The following ZCCHC18 variants were observed in gnomAD, a reference collection of about 807,000 sequenced individuals.
ZCCHC18 encodes zinc finger CCHC domain-containing protein 18.
For missense variants in ZCCHC18, 292 were observed against 305.1 expected, an observed-to-expected ratio of 0.96 and a Z score of 0.32; for synonymous variants, 112 against 115.7, an observed-to-expected ratio of 0.97 and a Z score of 0.21.
chrX:104,115,488 G>A lies in ZCCHC18; in HGVS notation c.*165G>A. 4.3e-6 allele frequency: 2 copies of A among 468,460 alleles called. No homozygotes were observed. The highest frequency in any genetic ancestry group is 7.3e-6 in the Non-Finnish European group (2 of 275,106). The allele number at this position is 468,460 out of a possible 1,213,427, so 38.6% of individuals were successfully genotyped here. ...ATACCAGCACAGTGGATGGGGAATGGTGTGACCTCTGTCCCTGCTCTCTTC... is the reference window on the plus strand; with the variant it reads ...ATACCAGCACAGTGGATGGGGAATGATGTGACCTCTGTCCCTGCTCTCTTC... On this transcript the variant is annotated 3_prime_UTR_variant, in exon 3 of 3. Coordinates refer to ENST00000650639, the MANE Select transcript of ZCCHC18 (RefSeq NM_001143978.3).
In ZCCHC18 at chrX:104,114,560, T is replaced by C; in HGVS notation, c.449T>C (p.Ile150Thr). 8.3e-7 allele frequency: 1 copy of C among 1,211,691 alleles called. No homozygotes were observed. Among genetic ancestry groups the C allele is most frequent in the Non-Finnish European group, 1.1e-6 (1 of 895,515 alleles). ...AQGEKASLYV[I>T]RLEVQLQNAI... ...GGGGAGAAAGCCTCCCTTTATGTGA[T>C]CCGTTTAGAGGTGCAGCTCCAGAAT... Residue 150 changes from isoleucine (I) to threonine (T), a missense_variant, in exon 3 of 3, where the codon ATC becomes ACC. By Grantham distance (89) the Ile-to-Thr change is moderately conservative (BLOSUM62 -1). Transcript: ENST00000650639.
In ZCCHC18 at chrX:104,114,075, C is replaced by A; in HGVS notation, c.-37C>A. On this transcript the variant is annotated 5_prime_UTR_variant, in exon 3 of 3. Coordinates refer to ENST00000650639, the MANE Select transcript of ZCCHC18 (RefSeq NM_001143978.3). ...ATAAGGCTTTTCCAAAAAGCGCGAG[C>A]ATCTTGTTGTATTCAGATACCCTAT... The A allele has an allele frequency of 8.3e-7, 1 of 1,210,653 alleles. No individual in the cohort carries two copies. Among genetic ancestry groups the A allele is most frequent in the Non-Finnish European group, 1.1e-6 (1 of 895,016 alleles).
Position 104,115,431 on chromosome X carries a change from A to C in ZCCHC18, c.*108A>C, listed in dbSNP as rs1055280147. ...AACTGCATGAATTAATCCACAAAGC[A>C]GTTTTCCTTTGGGAAGGAGAAGAGG... is the stretch of plus-strand genomic sequence containing the variant. On this transcript the variant is annotated 3_prime_UTR_variant, in exon 3 of 3. Transcript: ENST00000650639. The C allele has an allele frequency of 9.2e-5, 75 of 813,179 alleles. No individual in the cohort carries two copies. Among genetic ancestry groups the C allele is most frequent in the Non-Finnish European group, 1.1e-4 (67 of 583,739 alleles). The allele number at this position is 813,179 out of a possible 1,213,427, so 67.0% of individuals were successfully genotyped here.
chrX:104,114,078 C>G lies in ZCCHC18; in HGVS notation c.-34C>G, dbSNP rs782619703. The G allele has an allele frequency of 8.3e-7, 1 of 1,209,450 alleles. No homozygotes were observed. Among genetic ancestry groups the G allele is most frequent in the East Asian group, 3.0e-5 (1 of 33,747 alleles). On this transcript the variant is annotated 5_prime_UTR_variant, in exon 3 of 3. It adds an upstream start codon to the 5' untranslated region. Coordinates refer to ENST00000650639, the MANE Select transcript of ZCCHC18 (RefSeq NM_001143978.3). ...AGGCTTTTCCAAAAAGCGCGAGCAT[C>G]TTGTTGTATTCAGATACCCTATCGT...
chrX:104,112,666 C>G lies in ZCCHC18; in HGVS notation c.-1066C>G, dbSNP rs1177899746. On this transcript the variant is annotated 5_prime_UTR_variant, in exon 1 of 3. Transcript: ENST00000650639. ...CTCGCTGGGCGGTCGTGCGCACTCG[C>G]TAGGTCGGGCAGCCCCGGGTCGCTT... 8.8e-6 allele frequency: 1 copy of G among 113,552 alleles called. No individual in the cohort carries two copies. The highest frequency in any genetic ancestry group is 1.9e-5 in the Non-Finnish European group (1 of 53,427). The allele number at this position is 113,552 out of a possible 1,213,427, so 9.4% of individuals were successfully genotyped here. A position where few individuals can be genotyped will look rare whatever the true frequency, so the allele number is the denominator to read the frequency against.
At position 104,114,470 on chromosome X, in the gene ZCCHC18, T is replaced by C. The variant is rs782233326; in HGVS notation, c.359T>C (p.Val120Ala). The C allele has an allele frequency of 4.1e-6, 5 of 1,209,290 alleles. No individual in the cohort carries two copies. In the Admixed American group the frequency reaches 1.1e-4, roughly 26 times the overall value. Residue 120 changes from valine (V) to alanine (A), a missense_variant, in exon 3 of 3, where the codon GTG becomes GCG. By Grantham distance (64) the Val-to-Ala change is moderately conservative. Coordinates refer to ENST00000650639, the MANE Select transcript of ZCCHC18 (RefSeq NM_001143978.3). Reference sequence around the variant, plus strand: ...GATTTCTTGCGGGCAATGAAATTGGTGTTTGGGGAGTCTGAAAGCAGTGTG... The same window carrying C: ...GATTTCTTGCGGGCAATGAAATTGGCGTTTGGGGAGTCTGAAAGCAGTGTG... ...VADFLRAMKL[V>A]FGESESSVTA...
In ZCCHC18 at chrX:104,115,230, G is replaced by A. The variant is rs1252785740; in HGVS notation, c.1119G>A (p.Glu373=). The change falls in exon 3 of 3, where the codon GAG becomes GAA. Residue 373 remains glutamate (E), a synonymous_variant. Transcript: ENST00000650639. Reference sequence around the variant, plus strand: ...AGAGCAACAAGGCCCAGGTTTTTGAGAATCTGATCATCACCCTGCAGGAGC... The same window carrying A: ...AGAGCAACAAGGCCCAGGTTTTTGAAAATCTGATCATCACCCTGCAGGAGC... ...DNESNKAQVF[E]NLIITLQELT... The A allele has an allele frequency of 8.3e-7, 1 of 1,203,771 alleles. No homozygotes were observed. Among genetic ancestry groups the A allele is most frequent in the African/African-American group, 1.8e-5 (1 of 56,922 alleles).
chrX:104,113,804 T>C lies in ZCCHC18; in HGVS notation c.-308T>C, dbSNP rs1365097450. On this transcript the variant is annotated 5_prime_UTR_variant, in exon 3 of 3. Coordinates refer to ENST00000650639, the MANE Select transcript of ZCCHC18 (RefSeq NM_001143978.3). ...GGGGATGGATGTGGCTCTGAAAAACTACCTACTAGCCCAGGGACACCTGCT... is the reference window on the plus strand; with the variant it reads ...GGGGATGGATGTGGCTCTGAAAAACCACCTACTAGCCCAGGGACACCTGCT... The C allele has an allele frequency of 7.8e-6, 2 of 257,449 alleles. No homozygotes were observed. Among genetic ancestry groups the C allele is most frequent in the Non-Finnish European group, 1.4e-5 (2 of 146,881 alleles). 21.2% of individuals were successfully genotyped at this position (257,449 alleles called of 1,213,427 possible). A position where few individuals can be genotyped will look rare whatever the true frequency, so the allele number is the denominator to read the frequency against.
Position 104,115,577 on chromosome X carries a change from A to G in ZCCHC18, c.*254A>G. 1 of 297,025 alleles carries G rather than the reference A, an allele frequency of 3.4e-6. No individual in the cohort carries two copies. Among genetic ancestry groups the G allele is most frequent in the Non-Finnish European group, 6.2e-6 (1 of 162,565 alleles). The allele number at this position is 297,025 out of a possible 1,213,427, so 24.5% of individuals were successfully genotyped here. ...CTTTGATGACTTTATACTTTTTATGAAAGGAGCATCTTTTCATTAAACCTT... is the reference window on the plus strand; with the variant it reads ...CTTTGATGACTTTATACTTTTTATGGAAGGAGCATCTTTTCATTAAACCTT... On this transcript the variant is annotated 3_prime_UTR_variant, in exon 3 of 3. Transcript: ENST00000650639.
rs782073514 is a variant in ZCCHC18, at chrX:104,114,676, C to A, written c.565C>A (p.Arg189Ser). The A allele has an allele frequency of 8.3e-7, 1 of 1,210,255 alleles. No homozygotes were observed. Among genetic ancestry groups the A allele is most frequent in the African/African-American group, 1.7e-5 (1 of 57,185 alleles). ...LLGAELNRDL[R>S]FRLKHLLRMY... is the part of the protein sequence containing the mutation. ...AGGCGCTGAGCTGAATAGGGACCTGCGCTTCAGGCTTAAGCATCTTCTCAG... is the reference window on the plus strand; with the variant it reads ...AGGCGCTGAGCTGAATAGGGACCTGAGCTTCAGGCTTAAGCATCTTCTCAG... Residue 189 changes from arginine (R) to serine (S), a missense_variant, in exon 3 of 3, where the codon CGC (arginine) becomes AGC (serine). By Grantham distance (110) the Arg-to-Ser change is moderately radical. Coordinates refer to ENST00000650639, the MANE Select transcript of ZCCHC18 (RefSeq NM_001143978.3).
At position 104,114,598 on chromosome X, in the gene ZCCHC18, G is replaced by A. The variant is rs374482527; in HGVS notation, c.487G>A (p.Gly163Ser). 55 of 1,210,255 alleles carry A rather than the reference G, an allele frequency of 4.5e-5. No homozygotes were observed. In the African/African-American group the frequency reaches 8.6e-4, roughly 19 times the overall value. ...GCAGCTCCAGAATGCTATTCAGGCA[G>A]GCATCCTAGCTGAGAAAGATGCAAA... ...EVQLQNAIQA[G>S]ILAEKDANQT... The change falls in exon 3 of 3, where the codon GGC becomes AGC. Residue 163 changes from glycine to serine, a missense_variant. Coordinates refer to ENST00000650639, the MANE Select transcript of ZCCHC18 (RefSeq NM_001143978.3).
At position 104,113,918 on chromosome X, in the gene ZCCHC18, A is replaced by G. The variant is rs1346645815; in HGVS notation, c.-194A>G. On this transcript the variant is annotated 5_prime_UTR_variant, in exon 3 of 3. Transcript: ENST00000650639. ...AAATGCACTGCAAGGCTATTCAGGAAGATAGAGAATGCTACTGCAGACTGC... is the reference window on the plus strand; with the variant it reads ...AAATGCACTGCAAGGCTATTCAGGAGGATAGAGAATGCTACTGCAGACTGC... 6.7e-6 allele frequency: 4 copies of G among 593,807 alleles called. No individual in the cohort carries two copies. The Admixed American group carries it at 1.2e-4, about 17-fold the overall frequency. 48.9% of individuals were successfully genotyped at this position (593,807 alleles called of 1,213,427 possible).
Position 104,114,585 on chromosome X carries a change from T to C in ZCCHC18, c.474T>C (p.Asn158=), listed in dbSNP as rs1368638129. 6.6e-6 allele frequency: 8 copies of C among 1,210,175 alleles called. No homozygotes were observed. The highest frequency in any genetic ancestry group is 8.9e-6 in the Non-Finnish European group (8 of 895,321). Residue 158 remains asparagine (N), a synonymous_variant, in exon 3 of 3, where the codon AAT becomes AAC. Transcript: ENST00000650639. The part of the protein sequence containing the change: ...YVIRLEVQLQ[N]AIQAGILAEK... Reference sequence around the variant, plus strand: ...TCCGTTTAGAGGTGCAGCTCCAGAATGCTATTCAGGCAGGCATCCTAGCTG... The same window carrying C: ...TCCGTTTAGAGGTGCAGCTCCAGAACGCTATTCAGGCAGGCATCCTAGCTG...
In ZCCHC18 at chrX:104,114,889, G is replaced by A; in HGVS notation, c.778G>A (p.Asp260Asn). Reference sequence around the variant, plus strand: ...CCAGCCAATAGCAATCAGCAGTGCTGACTGTAACTGCAACGTGATAGAAAT... The same window carrying A: ...CCAGCCAATAGCAATCAGCAGTGCTAACTGTAACTGCAACGTGATAGAAAT... ...GAQPIAISSA[D>N]CNCNVIEIDD... Residue 260 changes from aspartate (D) to asparagine (N), a missense_variant, in exon 3 of 3, where the codon GAC (aspartate) becomes AAC (asparagine). Asp to Asn is a conservative substitution (Grantham distance 23). Transcript: ENST00000650639. 1 of 1,204,567 alleles carries A rather than the reference G, an allele frequency of 8.3e-7. No individual in the cohort carries two copies.
In ZCCHC18 at chrX:104,113,880, C is replaced by T; in HGVS notation, c.-232C>T. Reference sequence around the variant, plus strand: ...TCTCCTGCAGGGTATTGTTAAGGCACTGGGCAGATATAAAATGCACTGCAA... The same window carrying T: ...TCTCCTGCAGGGTATTGTTAAGGCATTGGGCAGATATAAAATGCACTGCAA... On this transcript the variant is annotated 5_prime_UTR_variant, in exon 3 of 3. Coordinates refer to ENST00000650639, the MANE Select transcript of ZCCHC18 (RefSeq NM_001143978.3). 1 of 445,107 alleles carries T rather than the reference C, an allele frequency of 2.2e-6. No individual in the cohort carries two copies. 36.7% of individuals were successfully genotyped at this position (445,107 alleles called of 1,213,427 possible).
In ZCCHC18 at chrX:104,114,370, A is replaced by G. The variant is rs781931660; in HGVS notation, c.259A>G (p.Met87Val). The change falls in exon 3 of 3, where the codon ATG becomes GTG. Residue 87 changes from methionine to valine, a missense_variant. Met to Val is a conservative substitution (Grantham distance 21). Coordinates refer to ENST00000650639, the MANE Select transcript of ZCCHC18 (RefSeq NM_001143978.3). ...TGAGGAGGAAAAACTCAAGCGCTTGATGAAAACACTTAGGGGCCCTGCCCG... is the reference window on the plus strand; with the variant it reads ...TGAGGAGGAAAAACTCAAGCGCTTGGTGAAAACACTTAGGGGCCCTGCCCG... ...MSEEEKLKRLMKTLRGPAREV... is the reference protein window; with the variant it reads ...MSEEEKLKRLVKTLRGPAREV... 332 of 1,210,014 alleles carry G rather than the reference A, an allele frequency of 2.7e-4. No homozygotes were observed. The highest frequency in any genetic ancestry group is 3.5e-4 in the Non-Finnish European group (314 of 895,191).
rs2075370993 is a variant in ZCCHC18, at chrX:104,115,091, C to A, written c.980C>A (p.Ser327Tyr). The A allele has an allele frequency of 8.3e-7, 1 of 1,200,364 alleles. No homozygotes were observed. Among genetic ancestry groups the A allele is most frequent in the Non-Finnish European group, 1.1e-6 (1 of 889,430 alleles). Residue 327 changes from serine (S) to tyrosine (Y), a missense_variant, in exon 3 of 3, where the codon TCT becomes TAT. Physicochemically the swap from Ser to Tyr is moderately radical, Grantham distance 144. Coordinates refer to ENST00000650639, the MANE Select transcript of ZCCHC18 (RefSeq NM_001143978.3). ...CAGTCTCTTTCTACCAGTGGTGGTT[C>A]TGGGTATAAGAATGATGGTCCTGGG... Reference protein sequence around the residue: ...GAQSLSTSGGSGYKNDGPGNI... With the variant: ...GAQSLSTSGGYGYKNDGPGNI...
Position 104,114,925 on chromosome X carries a change from C to A in ZCCHC18, c.814C>A (p.Leu272Ile), listed in dbSNP as rs1556360800. 8.4e-7 allele frequency: 1 copy of A among 1,197,185 alleles called. No individual in the cohort carries two copies. Among genetic ancestry groups the A allele is most frequent in the African/African-American group, 1.8e-5 (1 of 56,904 alleles). ...CAACGTGATAGAAATAGATGATACC[C>A]TTGATGACTCTGATGAGGATGTGAT... is the stretch of plus-strand genomic sequence containing the variant. ...NCNVIEIDDT[L>I]DDSDEDVILV... is the part of the protein sequence containing the mutation. The change falls in exon 3 of 3, where the codon CTT becomes ATT. Residue 272 changes from leucine to isoleucine, a missense_variant. Transcript: ENST00000650639.
At position 104,114,941 on chromosome X, in the gene ZCCHC18, A is replaced by C. The variant is rs782767304; in HGVS notation, c.830A>C (p.Glu277Ala). The C allele has an allele frequency of 3.4e-5, 41 of 1,196,605 alleles. No individual in the cohort carries two copies. The Middle Eastern group carries it at 1.1e-3, about 33-fold the overall frequency. The change falls in exon 3 of 3, where the codon GAG becomes GCG. Residue 277 changes from glutamate to alanine, a missense_variant. Glu to Ala is a moderately radical substitution (Grantham distance 107). Transcript: ENST00000650639. ...EIDDTLDDSDEDVILVVSLYP... is the reference protein window; with the variant it reads ...EIDDTLDDSDADVILVVSLYP... ...GATGATACCCTTGATGACTCTGATG[A>C]GGATGTGATCCTGGTGGTGTCTCTG...
Sources: gnomAD v4.1 joint callset for allele counts on GRCh38, gnomAD v4.1.1 for gene constraint, MANE v1.5 for transcripts, NCBI Gene and HGNC (gene_info 2026-07-23, HGNC 2026-07-21) for gene names.